The following PPP1CB variants were observed in gnomAD, a reference collection of about 807,000 sequenced individuals.
PPP1CB encodes the protein protein phosphatase 1 catalytic subunit beta.
A neutral mutation model predicts 43.7 loss-of-function variants in PPP1CB; 2 were observed. That is an observed-to-expected ratio of 0.05 (90% CI 0.02 to 0.14). The LOEUF is 0.14. Ranked by LOEUF, PPP1CB falls within the 10% of genes least tolerant of loss-of-function variation. The pLI, the probability that PPP1CB is intolerant of heterozygous loss-of-function variation, is 1.00. For missense variants in PPP1CB, 84 were observed against 398.0 expected (o/e 0.21, Z 6.71); for synonymous variants, 136 against 135.6 (o/e 1.00, Z -0.02).
At chr2:28,782,094 C>T in intron 4 of PPP1CB, 1 of 422,126 alleles carries the variant, frequency 2.4e-6, no homozygotes, top group East Asian at 4.9e-5. Flanking sequence ...GTCTCCTTTG[C>T]CTCAAGTTTT....
Position 28,751,934 on chromosome 2 carries a change from T to TC in PPP1CB, c.-189dup. ...TATTTATTTATTTTCCGTGGGTGCC[T>TC]CCGAGTGTGCGCGCGCTCTCGCTAC... On this transcript the variant is annotated 5_prime_UTR_variant, in exon 1 of 8. Coordinates refer to ENST00000395366, the MANE Select transcript of PPP1CB (RefSeq NM_002709.3). The TC allele has an allele frequency of 1.6e-6, 1 of 630,976 alleles. No homozygotes were observed. The highest frequency in any genetic ancestry group is 2.8e-6 in the Non-Finnish European group (1 of 355,950). 39.1% of individuals were successfully genotyped at this position (630,976 alleles called of 1,614,324 possible).
At chr2:28,780,382 C>T (rs1053490658) in intron 3 of PPP1CB, among the ~76,000 whole-genome samples, 1 of 152,080 alleles carries the variant, frequency 6.6e-6, no homozygotes, top group African/African-American at 2.4e-5. Flanking sequence ...TGAGCCACGG[C>T]GCCCAGCCAT....
At position 28,800,725 on chromosome 2, in the gene PPP1CB, A is replaced by T. The variant is rs1423161045; in HGVS notation, c.*1422A>T. The T allele has an allele frequency of 1.3e-5, 2 of 152,482 alleles. No homozygotes were observed. Among genetic ancestry groups the T allele is most frequent in the African/African-American group, 4.8e-5 (2 of 41,432 alleles). 9.4% of individuals were successfully genotyped at this position (152,482 alleles called of 1,614,324 possible). On this transcript the variant is annotated 3_prime_UTR_variant, in exon 8 of 8. Coordinates refer to ENST00000395366, the MANE Select transcript of PPP1CB (RefSeq NM_002709.3). ...GTGACACTATTGGATGTGATTCTAA[A>T]AGCTTTTATTGAGCATTGTCAAATT... is the stretch of plus-strand genomic sequence containing the variant.
chr2:28,794,656 A>C (rs543084004), intron 7 of PPP1CB, among the ~76,000 whole-genome samples: 2 of 152,266 alleles, frequency 1.3e-5, no homozygotes, highest in Non-Finnish European at 2.9e-5. Flanking sequence ...GCACCACTGC[A>C]CGCTAGCCTG....
At chr2:28,766,481 C>T (rs1414345507) in intron 1 of PPP1CB, among the ~76,000 whole-genome samples, 1 of 152,124 alleles carries the variant, frequency 6.6e-6, no homozygotes, top group African/African-American at 2.4e-5. Context: ...TCTACTTTAC[C>T]ATCATCAGTT....
rs1667634847 is a variant in PPP1CB, at chr2:28,802,267, A to G, written c.*2964A>G. ...TATCTCAGTTTATAAATTCAGGTAT[A>G]TTCTTTTTGTCTCCATGGCAACCAT... On this transcript the variant is annotated 3_prime_UTR_variant, in exon 8 of 8. Transcript: ENST00000395366. 6.6e-6 allele frequency: 1 copy of G among 152,210 alleles called. No homozygotes were observed. The highest frequency in any genetic ancestry group is 2.4e-5 in the African/African-American group (1 of 41,452). The allele number at this position is 152,210 out of a possible 1,614,324, so 9.4% of individuals were successfully genotyped here. A position where few individuals can be genotyped will look rare whatever the true frequency, so the allele number is the denominator to read the frequency against.
intron 2 of PPP1CB, among the ~76,000 whole-genome samples, chr2:28,777,866 C>G (rs1446469144): frequency 1.3e-5 from 2 of 152,176 alleles, no homozygotes; most frequent in Admixed American, 6.5e-5. Context: ...GTTGGCCAGG[C>G]TGGTTCTGAA....
chr2:28,758,824 TATTG>T (rs2148455719), intron 1 of PPP1CB, among the ~76,000 whole-genome samples: 1 of 152,358 alleles, frequency 6.6e-6, no homozygotes, highest in Non-Finnish European at 1.5e-5. Flanking sequence ...CAAGTGGAGA[TATTG>T]ATGATATGTG....
intron 1 of PPP1CB, among the ~76,000 whole-genome samples, chr2:28,775,305 C>T (rs1667012441): frequency 6.6e-6 from 1 of 152,174 alleles, no homozygotes; most frequent in South Asian, 2.1e-4. Flanking sequence ...GATGGGGTTT[C>T]ATCGTGTTGC....
At chr2:28,767,546 C>T (rs1666805982) in intron 1 of PPP1CB, among the ~76,000 whole-genome samples, 2 of 152,010 alleles carry the variant, frequency 1.3e-5, no homozygotes, top group Admixed American at 6.6e-5. Flanking sequence ...ATCGTGACAC[C>T]CATGACGCTG....
intron 1 of PPP1CB, among the ~76,000 whole-genome samples, chr2:28,759,025 G>A (rs1163163466): frequency 6.6e-6 from 1 of 152,184 alleles, no homozygotes; most frequent in Non-Finnish European, 1.5e-5. Context: ...CTTGGTTTGA[G>A]TATAGTCATA....
chr2:28,787,164 A>G (rs1019658745), intron 5 of PPP1CB, among the ~76,000 whole-genome samples: 16 of 152,178 alleles, frequency 1.1e-4, no homozygotes, highest in African/African-American at 3.6e-4. Flanking sequence ...TAACTCTTTA[A>G]AAATTATCTT....
At chr2:28,785,065 C>CTTTTTTTCTTTTTTTT (rs1667234290) in intron 5 of PPP1CB, among the ~76,000 whole-genome samples, 1 of 55,000 alleles carries the variant, frequency 1.8e-5, no homozygotes, top group Admixed American at 1.9e-4. Context: ...GTGTTAGGAG[C>CTTTTTTTCTTTTTTTT]TTTTTTTTTT....
At chr2:28,752,837 T>C (rs1217990413) in intron 1 of PPP1CB, among the ~76,000 whole-genome samples, 3 of 152,238 alleles carry the variant, frequency 2.0e-5, no homozygotes, top group African/African-American at 7.2e-5. Context: ...AGAAATGTGA[T>C]GTATGTAGAT....
chr2:28,785,589 A>T (rs1368282506), intron 5 of PPP1CB, among the ~76,000 whole-genome samples: 2 of 152,166 alleles, frequency 1.3e-5, no homozygotes, highest in South Asian at 4.1e-4. Context: ...AGGCAGGAAG[A>T]TCACTTGAGG....
In PPP1CB at chr2:28,781,809, A is replaced by G. The variant is rs1241904157; in HGVS notation, c.487A>G (p.Ile163Val). 1.2e-6 allele frequency: 2 copies of G among 1,612,778 alleles called. No individual in the cohort carries two copies. ...DCFNCLPIAA[I>V]VDEKIFCCHG... ...TTTTAACTGTCTGCCTATAGCAGCC[A>G]TTGTGGATGAGAAGATCTTCTGTTG... Residue 163 changes from isoleucine (I) to valine (V), a missense_variant, in exon 4 of 8, where the codon ATT becomes GTT. By Grantham distance (29) the Ile-to-Val change is conservative (BLOSUM62 3). Around this residue, in one of 5 missense-constraint regions of PPP1CB, gnomAD observed 28 missense variants for 234.2 expected, o/e 0.12. Coordinates refer to ENST00000395366, the MANE Select transcript of PPP1CB (RefSeq NM_002709.3).
At chr2:28,763,853 GC>G (rs1666717348) in intron 1 of PPP1CB, among the ~76,000 whole-genome samples, 1 of 152,002 alleles carries the variant, frequency 6.6e-6, no homozygotes, top group African/African-American at 2.4e-5. Flanking sequence ...TTACAGGTGC[GC>G]GCCACCACAC....
chr2:28,755,063 T>C (rs1666453080), intron 1 of PPP1CB, among the ~76,000 whole-genome samples: 1 of 152,206 alleles, frequency 6.6e-6, no homozygotes, highest in Non-Finnish European at 1.5e-5. Flanking sequence ...TTTTTGTTTT[T>C]TTGAGACGGA....
In PPP1CB at chr2:28,788,827, C is replaced by CTTAA; in HGVS notation, c.744+19_744+22dup. Reference sequence around the variant, plus strand: ...CTCATCAGGTATGAAATATAAAACTCTTAAGCTTTTTCTTTTTTCTTTCTT... The same window carrying CTTAA: ...CTCATCAGGTATGAAATATAAAACTCTTAATTAAGCTTTTTCTTTTTTCTTTCTT... On this transcript the variant is annotated intron_variant, in intron 6 of 7. Coordinates refer to ENST00000395366, the MANE Select transcript of PPP1CB (RefSeq NM_002709.3). 6.4e-7 allele frequency: 1 copy of CTTAA among 1,567,164 alleles called. No individual in the cohort carries two copies. Among genetic ancestry groups the CTTAA allele is most frequent in the South Asian group, 1.2e-5 (1 of 83,372 alleles).
Sources: gnomAD v4.1 joint callset for allele counts (sites outside exome capture counted in the v4.1 genomes callset) on GRCh38, gnomAD v4.1.1 for gene constraint, gnomAD v4.1.1 regional missense constraint, MANE v1.5 for transcripts, NCBI Gene and HGNC (gene_info 2026-07-23, HGNC 2026-07-21) for gene names.